TTYH3: variants seen among roughly 807,000 people sequenced by gnomAD.
TTYH3 encodes protein tweety homolog 3.
A neutral mutation model predicts 68.2 loss-of-function variants in TTYH3; 23 were observed. That is an observed-to-expected ratio of 0.34 (90% CI 0.24 to 0.48). The LOEUF (loss-of-function observed/expected upper bound fraction) is 0.48, where lower values mean the gene tolerates loss of function less well. Among genes scored for constraint, TTYH3 ranks in the 20% least tolerant of loss-of-function variants. The pLI is 0.99. For missense variants in TTYH3, 768 were observed against 727.7 expected (o/e 1.06, Z -0.64); for synonymous variants, 360 against 332.8 (o/e 1.08, Z -0.89).
intron 7 of TTYH3, among the ~76,000 whole-genome samples, chr7:2,650,983 G>T (rs1786158692): frequency 6.6e-6 from 1 of 151,800 alleles, no homozygotes; most frequent in Non-Finnish European, 1.5e-5. Context: ...GCTCTGTGCT[G>T]CGGGACCATA....
At position 2,652,450 on chromosome 7, in the gene TTYH3, C is replaced by T. The variant is rs552872489; in HGVS notation, c.927+208C>T. Among the ~76,000 whole-genome samples the T allele has an allele frequency of 1.9e-4, 29 of 152,266 alleles. No individual in the cohort carries two copies. The East Asian group carries it at 2.7e-3, about 14-fold the overall frequency. Reference sequence around the variant, plus strand: ...CCTGGTGACCTGGCTGAGAGCCTTTCGGGGGGACCTGCTCAATGCACCCGC... The same window carrying T: ...CCTGGTGACCTGGCTGAGAGCCTTTTGGGGGGACCTGCTCAATGCACCCGC... On this transcript the variant is annotated intron_variant, in intron 8 of 13. Transcript: ENST00000258796.
rs920500312 is a variant in TTYH3 at position 2,645,963 on chromosome 7, A to G, written c.124-890A>G. On this transcript the variant is annotated intron_variant, in intron 1 of 13. Coordinates refer to ENST00000258796, the MANE Select transcript of TTYH3 (RefSeq NM_025250.3). This position sits in a 1 kb window ranked among gnomAD's most constrained non-coding sequence, Gnocchi z 4.8. The stretch of plus-strand genomic sequence containing the variant: ...GTCTCGGGCTGGGGGTGAGGACAGT[A>G]GCTGATGCCGGCAGCCCCCTCCCCA... The G allele has an allele frequency of 3.1e-5, 12 of 388,404 alleles. No individual in the cohort carries two copies. The highest frequency in any genetic ancestry group is 2.3e-4 in the African/African-American group (11 of 46,810). 24.1% of individuals were successfully genotyped at this position (388,404 alleles called of 1,614,324 possible).
chr7:2,647,900 C>T lies in TTYH3; in HGVS notation c.627-59C>T, dbSNP rs753225335. On this transcript the variant is annotated intron_variant, in intron 4 of 13. Transcript: ENST00000258796. The stretch of plus-strand genomic sequence containing the variant: ...TCAGCTCCCCCTCAAGGGCCCCTGG[C>T]GCCCCACTCCCAGGCCCCGGGTCCC... The T allele has an allele frequency of 4.1e-5, 64 of 1,578,272 alleles. No individual in the cohort carries two copies. The Middle Eastern group carries it at 8.3e-4, about 20-fold the overall frequency.
At chr7:2,632,401 G>A in intron 1 of TTYH3, 123 bp downstream of exon 1, 2 of 1,020,876 alleles carry the variant, frequency 2.0e-6, no homozygotes, top group Non-Finnish European at 2.7e-6. Flanking sequence ...CCAGGGTCAC[G>A]GCCACCTCCT....
At chr7:2,642,655 G>A (rs763511703) in intron 1 of TTYH3, among the ~76,000 whole-genome samples, 6 of 151,920 alleles carry the variant, frequency 3.9e-5, no homozygotes, top group Non-Finnish European at 7.4e-5. Flanking sequence ...TTAAGCCCAG[G>A]AGGTTGAGGC....
intron 1 of TTYH3, among the ~76,000 whole-genome samples, chr7:2,642,640 A>T (rs1261612305): frequency 1.3e-5 from 2 of 151,290 alleles, no homozygotes; most frequent in Non-Finnish European, 2.9e-5. Flanking sequence ...AGGCAGGAGG[A>T]TCACTTAAGC....
chr7:2,635,385 G>A (rs921575421), intron 1 of TTYH3, among the ~76,000 whole-genome samples: 3 of 152,180 alleles, frequency 2.0e-5, no homozygotes, highest in South Asian at 2.1e-4. Context: ...GGCTTTATTC[G>A]GGGGAGGCCT....
chr7:2,632,466 C>G (rs1404497250), intron 1 of TTYH3, among the ~76,000 whole-genome samples, 188 bp downstream of exon 1: 2 of 152,002 alleles, frequency 1.3e-5, no homozygotes, highest in African/African-American at 4.8e-5. Flanking sequence ...GTCCTAGGAC[C>G]CTTTCTTCCA....
intron 1 of TTYH3, among the ~76,000 whole-genome samples, chr7:2,641,201 C>A (rs138258224): frequency 2.0e-5 from 3 of 152,330 alleles, no homozygotes; most frequent in East Asian, 1.9e-4. Context: ...GGGATCCTAT[C>A]GGTAGCAACC....
At position 2,658,541 on chromosome 7, in the gene TTYH3, G is replaced by A. The variant is rs914373866; in HGVS notation, c.1424+82G>A. The A allele has an allele frequency of 6.7e-6, 10 of 1,489,960 alleles. No homozygotes were observed. The African/African-American group carries it at 1.2e-4, about 19-fold the overall frequency. The allele number at this position is 1,489,960 out of a possible 1,614,324, so 92.3% of individuals were successfully genotyped here. A position where few individuals can be genotyped will look rare whatever the true frequency, so the allele number is the denominator to read the frequency against. On this transcript the variant is annotated intron_variant, in intron 12 of 13. Coordinates refer to ENST00000258796, the MANE Select transcript of TTYH3 (RefSeq NM_025250.3). ...CGGATCTGGGCTGGGGCTAGCTCGA[G>A]GCAAGGGGCTGGAGAAGGGGCGGCC...
intron 1 of TTYH3, among the ~76,000 whole-genome samples, chr7:2,641,879 G>A (rs2114978768): frequency 6.6e-6 from 1 of 152,354 alleles, no homozygotes; most frequent in South Asian, 2.1e-4. Context: ...CAGCTGCCCG[G>A]TTTGCTGAGC....
chr7:2,660,631 C>T, intron 13 of TTYH3: 1 of 874,450 alleles, frequency 1.1e-6, no homozygotes, highest in Non-Finnish European at 1.4e-6. Context: ...GGCCGTGGCT[C>T]CTCCCCCCAC....
intron 11 of TTYH3, among the ~76,000 whole-genome samples, chr7:2,657,632 C>G (rs935947500): frequency 1.3e-5 from 2 of 152,158 alleles, no homozygotes; most frequent in Non-Finnish European, 2.9e-5. Context: ...ACTTAACCAC[C>G]CTGGGCCTCA....
intron 12 of TTYH3, 97 bp from the exon 13 acceptor site, chr7:2,658,843 C>T: frequency 8.5e-7 from 1 of 1,176,728 alleles, no homozygotes; most frequent in Non-Finnish European, 1.3e-6. Flanking sequence ...TGGATGTGCC[C>T]ATCTGGGCAC....
At chr7:2,632,431 C>T (rs11976974) in intron 1 of TTYH3, among the ~76,000 whole-genome samples, 153 bp downstream of exon 1, 41,386 of 151,408 alleles carry the variant, frequency 0.27, 5,743 homozygotes, top group African/African-American at 0.33. Context: ...TACCGGCCTC[C>T]TTCCTTCTCG....
At chr7:2,638,397 G>A (rs1035793872) in intron 1 of TTYH3, among the ~76,000 whole-genome samples, 16 of 152,128 alleles carry the variant, frequency 1.1e-4, no homozygotes, top group East Asian at 3.9e-4. Flanking sequence ...GGGGTCCCCC[G>A]GCTACAGGGT....
rs377372701 is a variant in TTYH3, at chr7:2,652,986, C to A, written c.996C>A (p.Val332=). ...TCGTGGCTGAGCTTCTGAGGACCGT[C>A]CCCTGGGAGCAGCCGGCCACTAAGG... The part of the protein sequence containing the change: ...QDVVAELLRT[V]PWEQPATKDP... The change falls in exon 9 of 14, where the codon GTC becomes GTA. Residue 332 remains valine, a synonymous_variant. Transcript: ENST00000258796. The A allele has an allele frequency of 1.8e-4, 277 of 1,574,080 alleles. 1 individual carries two copies. Among genetic ancestry groups the A allele is most frequent in the Non-Finnish European group, 2.0e-4 (231 of 1,160,222 alleles).
chr7:2,651,291 G>A (rs759170423), intron 7 of TTYH3, among the ~76,000 whole-genome samples: 59 of 152,296 alleles, frequency 3.9e-4, no homozygotes, highest in Non-Finnish European at 6.9e-4. Flanking sequence ...CCACAGGATT[G>A]GCTTGTGGGC....
At chr7:2,637,227 C>G (rs1785702805) in intron 1 of TTYH3, among the ~76,000 whole-genome samples, 1 of 152,070 alleles carries the variant, frequency 6.6e-6, no homozygotes, top group Admixed American at 6.5e-5. Context: ...CCAACCCCGT[C>G]TAAGGGATTT....
Sources: allele counts gnomAD v4.1 joint callset (sites outside exome capture counted in the v4.1 genomes callset), GRCh38; gene constraint gnomAD v4.1.1; non-coding constraint Gnocchi (gnomAD v3.1); transcripts MANE v1.5; gene names NCBI Gene and HGNC (gene_info 2026-07-23, HGNC 2026-07-21).